Variants in ITFG1 observed in about 807,000 individuals in gnomAD.
ITFG1 encodes the protein integrin alpha FG-GAP repeat containing 1.
Under a neutral mutation model 81.8 loss-of-function variants are expected in ITFG1, and 34 were observed. The observed-to-expected ratio is 0.42, with a 90% CI of 0.32 to 0.55. The LOEUF (loss-of-function observed/expected upper bound fraction) is 0.55. Ranked by LOEUF, ITFG1 falls within the 20% of genes least tolerant of loss-of-function variation. The pLI is 0.17. For synonymous variants in ITFG1, 285 were observed against 270.6 expected (o/e 1.05, Z -0.52); for missense variants, 672 against 755.4 (o/e 0.89, Z 1.29).
At chr16:47,183,476 AC>A (rs1965162391) in intron 14 of ITFG1, among the ~76,000 whole-genome samples, 1 of 152,144 alleles carries the variant, frequency 6.6e-6, no homozygotes, top group African/African-American at 2.4e-5. Flanking sequence ...CTGACCCCTG[AC>A]CCCTGACCCC....
At chr16:47,286,784 G>T (rs1218684856) in intron 10 of ITFG1, among the ~76,000 whole-genome samples, 1 of 152,138 alleles carries the variant, frequency 6.6e-6, no homozygotes, top group Non-Finnish European at 1.5e-5. Context: ...TATGTGCTAG[G>T]TGCTGAGCTT....
At chr16:47,354,644 C>G (rs1968013883) in intron 8 of ITFG1, among the ~76,000 whole-genome samples, 1 of 151,982 alleles carries the variant, frequency 6.6e-6, no homozygotes, top group Non-Finnish European at 1.5e-5. Context: ...TATTTGCAAT[C>G]TATACATCTG....
At chr16:47,379,044 T>C (rs1057184529) in intron 6 of ITFG1, among the ~76,000 whole-genome samples, 3 of 152,184 alleles carry the variant, frequency 2.0e-5, no homozygotes, top group Non-Finnish European at 2.9e-5. Context: ...TTAGCCCTCT[T>C]TGGAACAACT....
intron 10 of ITFG1, among the ~76,000 whole-genome samples, chr16:47,307,117 A>AC (rs1480755515): frequency 8.1e-5 from 12 of 148,438 alleles, no homozygotes; most frequent in South Asian, 4.2e-4. Context: ...AAAAAAAAAA[A>AC]AAAAAACGGA....
At chr16:47,263,372 C>T in intron 10 of ITFG1, 1 of 479,974 alleles carries the variant, frequency 2.1e-6, no homozygotes, top group South Asian at 1.6e-5. Flanking sequence ...AGCCATCTAC[C>T]AAGCCACCTG....
At chr16:47,399,157 A>G (rs1968628003) in intron 6 of ITFG1, among the ~76,000 whole-genome samples, 2 of 152,232 alleles carry the variant, frequency 1.3e-5, no homozygotes, top group African/African-American at 4.8e-5. Context: ...CAAAAATGAG[A>G]TAAAGGCAAA....
intron 6 of ITFG1, among the ~76,000 whole-genome samples, chr16:47,401,034 C>A (rs753514766): frequency 2.6e-5 from 4 of 152,152 alleles, no homozygotes; most frequent in Non-Finnish European, 4.4e-5. Context: ...TAAGACCAGT[C>A]TGGCAACTGT....
chr16:47,268,255 A>G lies in ITFG1; in HGVS notation c.1071-7560T>C, dbSNP rs143032807. On this transcript the variant is annotated intron_variant, in intron 10 of 17. Transcript: ENST00000320640. Reference sequence around the variant, plus strand: ...TTTAAAAGGATGATAAGGGAATGTTATAAAAAACTTTGTGCCAATACAATT... The same window carrying G: ...TTTAAAAGGATGATAAGGGAATGTTGTAAAAAACTTTGTGCCAATACAATT... 4.7e-3 allele frequency among the ~76,000 whole-genome samples: 718 copies of G among 152,344 alleles called. 4 individuals are homozygous for G. The highest frequency in any genetic ancestry group is 8.3e-3 in the Non-Finnish European group (562 of 68,028).
At chr16:47,349,810 G>A in intron 8 of ITFG1, among the ~76,000 whole-genome samples, 1 of 152,144 alleles carries the variant, frequency 6.6e-6, no homozygotes, top group African/African-American at 2.4e-5. Flanking sequence ...ATAGTTGGAA[G>A]TAAAGCACTC....
rs192253027 is a variant in ITFG1, at chr16:47,328,078, C to T, written c.803-14255G>A. Among the ~76,000 whole-genome samples, 663 of 152,232 alleles carry T rather than the reference C, an allele frequency of 4.4e-3. 6 individuals are homozygous for T. The highest frequency in any genetic ancestry group is 0.015 in the African/African-American group (618 of 41,538). ...AAAGACTTGGAACCAACCCAAATGT[C>T]CAACAATGATAGATTGGATTAAGAA... is the stretch of plus-strand genomic sequence containing the variant. On this transcript the variant is annotated intron_variant, in intron 8 of 17. Transcript: ENST00000320640.
At chr16:47,445,057 T>C (rs1234272043) in intron 5 of ITFG1, among the ~76,000 whole-genome samples, 1 of 149,364 alleles carries the variant, frequency 6.7e-6, no homozygotes, top group East Asian at 2.0e-4. Flanking sequence ...TACATCAACA[T>C]GGACCATGAT....
At chr16:47,355,269 G>A (rs1968022695) in intron 8 of ITFG1, among the ~76,000 whole-genome samples, 1 of 152,108 alleles carries the variant, frequency 6.6e-6, no homozygotes, top group Non-Finnish European at 1.5e-5. Flanking sequence ...AGGTCATTAT[G>A]TCAAGTGAAA....
At chr16:47,242,584 G>A (rs1035737280) in intron 12 of ITFG1, among the ~76,000 whole-genome samples, 14 of 152,134 alleles carry the variant, frequency 9.2e-5, no homozygotes, top group Middle Eastern at 3.4e-3. Context: ...AAAAAATGCT[G>A]AACTTCATTC....
chr16:47,426,093 T>C (rs1051305172), intron 6 of ITFG1: 2 of 152,152 alleles, frequency 1.3e-5, no homozygotes, highest in Non-Finnish European at 2.9e-5. Context: ...CTCATGATGG[T>C]AGATACTGTC....
intron 14 of ITFG1, among the ~76,000 whole-genome samples, chr16:47,175,829 GATC>G (rs1397317087): frequency 6.6e-6 from 1 of 152,150 alleles, no homozygotes; most frequent in Admixed American, 6.5e-5. Flanking sequence ...TGTGACTGTA[GATC>G]ACCACAGCCT....
chr16:47,398,411 A>C (rs1207949119), intron 6 of ITFG1, among the ~76,000 whole-genome samples: 2 of 152,214 alleles, frequency 1.3e-5, no homozygotes, highest in African/African-American at 4.8e-5. Flanking sequence ...CTATTCTTCA[A>C]TTATTTTAAC....
chr16:47,333,852 T>G (rs1967667829), intron 8 of ITFG1, among the ~76,000 whole-genome samples: 1 of 152,190 alleles, frequency 6.6e-6, no homozygotes, highest in African/African-American at 2.4e-5. Context: ...CTAAGCAATA[T>G]TAAATACTGA....
At chr16:47,263,136 T>G (rs1176167415) in intron 10 of ITFG1, 1 of 253,854 alleles carries the variant, frequency 3.9e-6, no homozygotes, top group East Asian at 1.0e-4. Context: ...GACAACATAT[T>G]GTATCAGTAC....
chr16:47,428,207 G>A (rs1372274632), intron 6 of ITFG1, among the ~76,000 whole-genome samples: 2 of 152,130 alleles, frequency 1.3e-5, no homozygotes, highest in Non-Finnish European at 2.9e-5. Context: ...AAAAGTCCTT[G>A]TAATCTGAGA....
Sources: gnomAD v4.1 joint callset for allele counts (sites outside exome capture counted in the v4.1 genomes callset) on GRCh38, gnomAD v4.1.1 for gene constraint, MANE v1.5 for transcripts, NCBI Gene and HGNC (gene_info 2026-07-23, HGNC 2026-07-21) for gene names.